CCBE1: variants seen among roughly 807,000 people sequenced by gnomAD.
CCBE1 encodes the protein collagen and calcium binding EGF domains 1, also known as collagen and calcium-binding EGF domain-containing protein 1.
In CCBE1, 37 loss-of-function variants were observed where a neutral mutation model predicts 50.0. That is an observed-to-expected ratio of 0.74 (90% CI 0.57 to 0.97). The LOEUF (loss-of-function observed/expected upper bound fraction) is 0.97. Ranked by LOEUF, CCBE1 falls within the 50% of genes least tolerant of loss-of-function variation. CCBE1 has a pLI of 0.00. For synonymous variants in CCBE1, 234 were observed against 203.7 expected (o/e 1.15, Z -1.27); for missense variants, 538 against 523.8 (o/e 1.03, Z -0.26).
chr18:59,626,109 A>G (rs2053781146), intron 2 of CCBE1, among the ~76,000 whole-genome samples: 1 of 152,254 alleles, frequency 6.6e-6, no homozygotes. Context: ...GCAGAAGTGG[A>G]TAGTCCAAGA....
intron 2 of CCBE1, among the ~76,000 whole-genome samples, chr18:59,655,311 T>C (rs1599106100): frequency 6.6e-6 from 1 of 152,194 alleles, no homozygotes; most frequent in East Asian, 1.9e-4. Context: ...ACCAAGTCCA[T>C]GCAGGAGTGG....
intron 2 of CCBE1, among the ~76,000 whole-genome samples, chr18:59,612,338 A>AC (rs1244294695): frequency 6.7e-6 from 1 of 150,306 alleles, no homozygotes; most frequent in Non-Finnish European, 1.5e-5. Flanking sequence ...AAGAAAAAAA[A>AC]AAAAACAAAC....
At chr18:59,514,644 T>TTAA (rs1333839795) in intron 2 of CCBE1, among the ~76,000 whole-genome samples, 5 of 114,728 alleles carry the variant, frequency 4.4e-5, no homozygotes, top group African/African-American at 1.5e-4. Context: ...TTCCTTTCCT[T>TTAA]GAAAAAAAAA....
intron 2 of CCBE1, among the ~76,000 whole-genome samples, chr18:59,678,217 C>A (rs955016831): frequency 6.6e-6 from 1 of 152,104 alleles, no homozygotes; most frequent in Non-Finnish European, 1.5e-5. Flanking sequence ...TTTCTTACAG[C>A]GATGGAGGCA....
intron 2 of CCBE1, among the ~76,000 whole-genome samples, chr18:59,513,424 T>G (rs1184571966): frequency 2.6e-5 from 4 of 152,246 alleles, no homozygotes; most frequent in African/African-American, 7.2e-5. Flanking sequence ...GAGGTGTCTC[T>G]CTTGTCTGGC....
intron 3 of CCBE1, among the ~76,000 whole-genome samples, chr18:59,473,477 CT>C (rs1912134734): frequency 6.6e-6 from 1 of 152,088 alleles, no homozygotes; most frequent in Admixed American, 6.5e-5. Flanking sequence ...ATTCTGAAGA[CT>C]TTTTGAATTA....
In CCBE1 at chr18:59,435,893, C is replaced by A. The variant is rs780416336; in HGVS notation, c.*15G>T. On this transcript the variant is annotated 3_prime_UTR_variant, in exon 11 of 11. Transcript: ENST00000439986. ...TGATCTTTCTCTTCCTTTGGCGTGA[C>A]GGTGTTGGGATGTGCTATGGGTAGA... 2.5e-6 allele frequency: 4 copies of A among 1,603,638 alleles called. No homozygotes were observed. Among genetic ancestry groups the A allele is most frequent in the Non-Finnish European group, 3.4e-6 (4 of 1,170,524 alleles).
At position 59,551,023 on chromosome 18, in the gene CCBE1, A is replaced by AAAG. The variant is rs1568201628; in HGVS notation, c.213-70786_213-70785insCTT. Among the ~76,000 whole-genome samples the AAAG allele has an allele frequency of 1.4e-3, 198 of 141,484 alleles. 2 individuals are homozygous for AAAG. The highest frequency in any genetic ancestry group is 5.2e-3 in the African/African-American group (189 of 36,126). 92.8% of individuals were successfully genotyped at this position (141,484 alleles called of 152,430 possible). On this transcript the variant is annotated intron_variant, in intron 2 of 10. Coordinates refer to ENST00000439986, the MANE Select transcript of CCBE1 (RefSeq NM_133459.4). ...CAAAAAAAAAAAAAAAAAAAAAAAAAAAAAAAGAAAAGAAAAGAAAAGAAA... is the reference window on the plus strand; with the variant it reads ...CAAAAAAAAAAAAAAAAAAAAAAAAAAAGAAAAAAGAAAAGAAAAGAAAAGAAA...
intron 2 of CCBE1, among the ~76,000 whole-genome samples, chr18:59,614,928 G>A (rs2053618237): frequency 6.6e-6 from 1 of 152,172 alleles, no homozygotes; most frequent in Non-Finnish European, 1.5e-5. Flanking sequence ...CAAACCATAG[G>A]ATGTACCATT....
intron 2 of CCBE1, among the ~76,000 whole-genome samples, chr18:59,495,799 C>T (rs938936908): frequency 3.9e-5 from 6 of 152,128 alleles, no homozygotes; most frequent in Admixed American, 2.6e-4. Context: ...GGGGGCACTG[C>T]GGCCGCCCTG....
rs185109229 is a variant in CCBE1 at position 59,532,933 on chromosome 18, C to T, written c.213-52695G>A. Among the ~76,000 whole-genome samples, 373 of 152,324 alleles carry T rather than the reference C, an allele frequency of 2.4e-3. 1 individual carries two copies. Among genetic ancestry groups the T allele is most frequent in the African/African-American group, 8.6e-3 (357 of 41,568 alleles). On this transcript the variant is annotated intron_variant, in intron 2 of 10. Coordinates refer to ENST00000439986, the MANE Select transcript of CCBE1 (RefSeq NM_133459.4). ...CTGCCTGGGAATTGTGACCTCCTGCCTGGCAGTTCACCAATGGCCACAGGC... is the reference window on the plus strand; with the variant it reads ...CTGCCTGGGAATTGTGACCTCCTGCTTGGCAGTTCACCAATGGCCACAGGC...
Position 59,434,676 on chromosome 18 carries a change from G to A in CCBE1, c.*1232C>T, listed in dbSNP as rs1376215859. 2.0e-5 allele frequency: 3 copies of A among 152,176 alleles called. No individual in the cohort carries two copies. The highest frequency in any genetic ancestry group is 7.2e-5 in the African/African-American group (3 of 41,526). 9.4% of individuals were successfully genotyped at this position (152,176 alleles called of 1,614,324 possible). On this transcript the variant is annotated 3_prime_UTR_variant, in exon 11 of 11. Transcript: ENST00000439986. ...AGAAGGCCTAAAAGAACTGGAACTT[G>A]GACTAAATTAAAGAAAATTAAGAAA...
intron 2 of CCBE1, among the ~76,000 whole-genome samples, chr18:59,571,583 C>T (rs955565027): frequency 6.6e-6 from 1 of 152,026 alleles, no homozygotes; most frequent in Non-Finnish European, 1.5e-5. Flanking sequence ...ATGTAACAAA[C>T]CTGCACGTTG....
At chr18:59,635,179 A>T (rs2144634303) in intron 2 of CCBE1, among the ~76,000 whole-genome samples, 1 of 152,346 alleles carries the variant, frequency 6.6e-6, no homozygotes, top group South Asian at 2.1e-4. Flanking sequence ...TTGCAGCTAC[A>T]AATGGAGGCC....
chr18:59,632,534 A>C (rs1466471601), intron 2 of CCBE1, among the ~76,000 whole-genome samples: 1 of 151,580 alleles, frequency 6.6e-6, no homozygotes, highest in Admixed American at 6.6e-5. Context: ...TCGGCCTCCC[A>C]AAGTGCTGGA....
chr18:59,647,686 C>T (rs190835605), intron 2 of CCBE1, among the ~76,000 whole-genome samples: 1 of 152,264 alleles, frequency 6.6e-6, no homozygotes, highest in African/African-American at 2.4e-5. Context: ...TCCAATTTAT[C>T]AAAATGTGCA....
chr18:59,692,422 G>A (rs567485000), intron 2 of CCBE1, among the ~76,000 whole-genome samples: 1 of 152,176 alleles, frequency 6.6e-6, no homozygotes, highest in Admixed American at 6.5e-5. Context: ...TAGTAGAGCT[G>A]GGATTCACAC....
chr18:59,454,756 G>A (rs1448478936), intron 6 of CCBE1, 95 bp downstream of exon 6: 35 of 1,084,794 alleles, frequency 3.2e-5, no homozygotes, highest in Non-Finnish European at 4.2e-5. Context: ...AATGCTCAAT[G>A]TGGATATTTT....
intron 2 of CCBE1, among the ~76,000 whole-genome samples, chr18:59,649,111 G>A (rs958084309): frequency 6.6e-6 from 1 of 152,226 alleles, no homozygotes; most frequent in African/African-American, 2.4e-5. Context: ...ATTTCTAACA[G>A]TGGACAGAAA....
Sources: gnomAD v4.1 joint callset for allele counts (sites outside exome capture counted in the v4.1 genomes callset) on GRCh38, gnomAD v4.1.1 for gene constraint, MANE v1.5 for transcripts, NCBI Gene and HGNC (gene_info 2026-07-23, HGNC 2026-07-21) for gene names.